Variants in GHR observed in about 807,000 individuals in gnomAD.
GHR encodes the protein GH receptor.
Under a neutral mutation model 67.1 loss-of-function variants are expected in GHR, and 35 were observed. The observed-to-expected ratio is 0.52, with a 90% confidence interval of 0.40 to 0.69. The LOEUF is 0.69. Among genes scored for constraint, GHR ranks in the 30% least tolerant of loss-of-function variants. The pLI is 0.00. For missense variants in GHR, 792 were observed against 764.6 expected, an observed-to-expected ratio of 1.04 and a Z score of -0.42; for synonymous variants, 272 against 269.1, an observed-to-expected ratio of 1.01 and a Z score of -0.10.
intron 1 of GHR, among the ~76,000 whole-genome samples, chr5:42,477,727 GTTGT>G (rs1221268261): frequency 7.2e-5 from 11 of 152,146 alleles, no homozygotes; most frequent in South Asian, 4.1e-4. Context: ...TTTTGATGGG[GTTGT>G]TTGTTTTTTT....
intron 1 of GHR, chr5:42,548,345 A>T: frequency 1.0e-6 from 1 of 985,342 alleles, no homozygotes; most frequent in Non-Finnish European, 1.2e-6. Context: ...GTAACCAAGA[A>T]ACTTCTGTGG....
At chr5:42,470,245 A>C in intron 1 of GHR, among the ~76,000 whole-genome samples, 1 of 142,638 alleles carries the variant, frequency 7.0e-6, no homozygotes, top group East Asian at 1.9e-4. Context: ...TATATAATGT[A>C]TTACATGTAT....
rs777159722 is a variant in GHR, at chr5:42,474,315, A to AAG, written c.-12+50362_-12+50363dup. Among the ~76,000 whole-genome samples, 657 of 139,378 alleles carry AAG rather than the reference A, an allele frequency of 4.7e-3. 13 individuals are homozygous for AAG. Among genetic ancestry groups the AAG allele is most frequent in the African/African-American group, 0.017 (629 of 36,350 alleles). The allele number at this position is 139,378 out of a possible 152,430, so 91.4% of individuals were successfully genotyped here. A position where few individuals can be genotyped will look rare whatever the true frequency, so the allele number is the denominator to read the frequency against. ...AGAAAGAGAAAGAAAGAAAGAAAGA[A>AAG]AGAAAGAAAGAAAGAAAGAAAGAAA... On this transcript the variant is annotated intron_variant, in intron 1 of 9. Transcript: ENST00000230882.
At position 42,691,221 on chromosome 5, in the gene GHR, T is replaced by A. The variant is rs987071514; in HGVS notation, c.266+2202T>A. On this transcript the variant is annotated intron_variant, in intron 4 of 9. Coordinates refer to ENST00000230882, the MANE Select transcript of GHR (RefSeq NM_000163.5). ...ACATATTCAGAAAGATGTCTTAGAT[T>A]TTGCCCTGGTAGTGTTTGGAATCCC... is the stretch of plus-strand genomic sequence containing the variant. 8.5e-5 allele frequency among the ~76,000 whole-genome samples: 13 copies of A among 152,322 alleles called. No homozygotes were observed. The South Asian group carries it at 2.1e-3, about 24-fold the overall frequency.
chr5:42,643,601 T>C (rs1040450175), intron 3 of GHR, among the ~76,000 whole-genome samples: 1 of 152,188 alleles, frequency 6.6e-6, no homozygotes, highest in East Asian at 1.9e-4. Context: ...GATTTGCATA[T>C]GTGCATGGAT....
chr5:42,533,601 AC>A (rs879807823), intron 1 of GHR, among the ~76,000 whole-genome samples: 3 of 151,560 alleles, frequency 2.0e-5, no homozygotes, highest in Admixed American at 6.6e-5. Context: ...CCTTTGTTTC[AC>A]CCGGAATTTT....
intron 2 of GHR, among the ~76,000 whole-genome samples, chr5:42,612,373 T>G (rs1005961400): frequency 2.0e-5 from 3 of 152,170 alleles, no homozygotes; most frequent in Admixed American, 2.0e-4. Flanking sequence ...AAATCCATTA[T>G]TATATGCATA....
intron 2 of GHR, among the ~76,000 whole-genome samples, chr5:42,590,652 C>A (rs1364433334): frequency 6.6e-6 from 1 of 152,120 alleles, no homozygotes; most frequent in Non-Finnish European, 1.5e-5. Flanking sequence ...CCAGTTTTTG[C>A]CACTTAAACT....
chr5:42,675,606 A>G (rs1162605348), intron 3 of GHR, among the ~76,000 whole-genome samples: 8 of 152,254 alleles, frequency 5.3e-5, no homozygotes, highest in Non-Finnish European at 1.5e-5. Context: ...AAACCAGGAT[A>G]AATTGTATTC....
chr5:42,432,413 T>A (rs1579687110), intron 1 of GHR, among the ~76,000 whole-genome samples: 1 of 152,200 alleles, frequency 6.6e-6, no homozygotes, highest in Non-Finnish European at 1.5e-5. Flanking sequence ...TGATGGCTGG[T>A]GAGAAACCTC....
chr5:42,458,405 G>T (rs550769015), intron 1 of GHR, among the ~76,000 whole-genome samples: 1 of 152,216 alleles, frequency 6.6e-6, no homozygotes, highest in South Asian at 2.1e-4. Flanking sequence ...AATAAATGGG[G>T]CTGGGAAGCT....
rs2972781 is a variant in GHR, at chr5:42,716,224, T to C, written c.876-1828T>C. 0.038 allele frequency among the ~76,000 whole-genome samples: 5,811 copies of C among 151,972 alleles called. 595 individuals are homozygous for C. In the East Asian group the frequency reaches 0.44, roughly 12 times the overall value. ...CAGCATGACACAAAGAACCTGGGTT[T>C]TGATTTGGAGTCAGGTTCTCTGGGT... On this transcript the variant is annotated intron_variant, in intron 8 of 9. Coordinates refer to ENST00000230882, the MANE Select transcript of GHR (RefSeq NM_000163.5).
chr5:42,674,987 T>C (rs1756500668), intron 3 of GHR, among the ~76,000 whole-genome samples: 1 of 152,200 alleles, frequency 6.6e-6, no homozygotes, highest in African/African-American at 2.4e-5. Flanking sequence ...GGGTTTCTAT[T>C]ACTTCACATC....
intron 8 of GHR, chr5:42,713,999 C>G (rs186545564): frequency 6.4e-6 from 1 of 156,224 alleles, no homozygotes; most frequent in Non-Finnish European, 1.4e-5. Flanking sequence ...CTGCAACCGC[C>G]GCCCCCCAGG....
intron 1 of GHR, among the ~76,000 whole-genome samples, chr5:42,490,591 G>A (rs1282226192): frequency 6.6e-6 from 1 of 152,182 alleles, no homozygotes; most frequent in African/African-American, 2.4e-5. Context: ...TATCTTTCTG[G>A]ACTGAAGTTC....
At chr5:42,460,207 C>G (rs148372025) in intron 1 of GHR, among the ~76,000 whole-genome samples, 8 of 152,178 alleles carry the variant, frequency 5.3e-5, no homozygotes, top group African/African-American at 1.4e-4. Flanking sequence ...GCACCTTGAT[C>G]GTGGACTTCC....
At chr5:42,603,194 G>A (rs1421686289) in intron 2 of GHR, among the ~76,000 whole-genome samples, 1 of 151,846 alleles carries the variant, frequency 6.6e-6, no homozygotes, top group African/African-American at 2.4e-5. Flanking sequence ...CTCCCTTCAG[G>A]CCTGCAAGGT....
intron 2 of GHR, among the ~76,000 whole-genome samples, chr5:42,587,979 T>G (rs1397947288): frequency 6.6e-6 from 1 of 152,206 alleles, no homozygotes; most frequent in Non-Finnish European, 1.5e-5. Context: ...AATGAACTTG[T>G]CTTTTCTCCT....
chr5:42,622,813 A>C (rs1481593240), intron 2 of GHR, among the ~76,000 whole-genome samples: 2 of 152,172 alleles, frequency 1.3e-5, no homozygotes, highest in East Asian at 3.9e-4. Context: ...GGCTGCATTT[A>C]GTCTCAGGAT....
Sources: gnomAD v4.1 joint callset for allele counts (sites outside exome capture counted in the v4.1 genomes callset) on GRCh38, gnomAD v4.1.1 for gene constraint, MANE v1.5 for transcripts, NCBI Gene and HGNC (gene_info 2026-07-23, HGNC 2026-07-21) for gene names.